MGAT5: variants seen among roughly 807,000 people sequenced by gnomAD.
MGAT5 encodes the protein alpha-1,6-mannosylglycoprotein 6-beta-N-acetylglucosaminyltransferase.
A neutral mutation model predicts 94.3 loss-of-function variants in MGAT5; 30 were observed. The ratio of observed to expected loss-of-function variants is 0.32; its 90% CI spans 0.24 to 0.43. The LOEUF is 0.43. MGAT5 is among the 20% of genes least tolerant of loss of function. The pLI is 1.00. For synonymous variants in MGAT5, 310 were observed against 322.9 expected, an observed-to-expected ratio of 0.96 and a Z score of 0.43; for missense variants, 691 against 905.5, an observed-to-expected ratio of 0.76 and a Z score of 3.04.
intron 1 of MGAT5, among the ~76,000 whole-genome samples, chr2:134,262,853 A>C (rs902349866): frequency 6.6e-6 from 1 of 152,226 alleles, no homozygotes; most frequent in East Asian, 1.9e-4. Flanking sequence ...CTTAGCATTT[A>C]CAGGGGTAGA....
chr2:134,378,842 C>T (rs1681362528), intron 10 of MGAT5, among the ~76,000 whole-genome samples: 1 of 152,166 alleles, frequency 6.6e-6, no homozygotes, highest in South Asian at 2.1e-4. Context: ...TCTCAAACTC[C>T]TGACCTCAGG....
At chr2:134,189,616 T>G (rs986418990) in intron 1 of MGAT5, among the ~76,000 whole-genome samples, 1 of 141,464 alleles carries the variant, frequency 7.1e-6, no homozygotes. Context: ...TTTTTTTTTT[T>G]TTTTAAGACA....
chr2:134,351,838 C>T (rs971876161), intron 9 of MGAT5, among the ~76,000 whole-genome samples: 3 of 152,044 alleles, frequency 2.0e-5, no homozygotes, highest in Non-Finnish European at 2.9e-5. Flanking sequence ...TATATACATA[C>T]ATACATATAA....
In MGAT5 at chr2:134,235,724, AG is replaced by A. The variant is rs201123541; in HGVS notation, c.-142-18534del. Among the ~76,000 whole-genome samples the A allele has an allele frequency of 1.7e-3, 206 of 118,924 alleles. 2 individuals are homozygous for A. The highest frequency in any genetic ancestry group is 6.7e-3 in the African/African-American group (191 of 28,700). 78.0% of individuals were successfully genotyped at this position (118,924 alleles called of 152,430 possible). A position where few individuals can be genotyped will look rare whatever the true frequency, so the allele number is the denominator to read the frequency against. On this transcript the variant is annotated intron_variant, in intron 1 of 16. Transcript: ENST00000409645. ...GGATTTAAATCATTGTAATAATAAT[AG>A]GGGTTTTTTTTTTTTGCATGGAGTG... is the stretch of plus-strand genomic sequence containing the variant.
At chr2:134,263,196 C>T (rs965106878) in intron 1 of MGAT5, among the ~76,000 whole-genome samples, 2 of 152,120 alleles carry the variant, frequency 1.3e-5, no homozygotes, top group Non-Finnish European at 1.5e-5. Context: ...CTTATCTTTT[C>T]TATAAAAAAG....
At chr2:134,266,854 G>A (rs944482515) in intron 1 of MGAT5, among the ~76,000 whole-genome samples, 1 of 152,128 alleles carries the variant, frequency 6.6e-6, no homozygotes, top group African/African-American at 2.4e-5. Context: ...TTTCATATTG[G>A]GAGAGAAAAC....
chr2:134,447,074 C>T (rs553214993), intron 15 of MGAT5, among the ~76,000 whole-genome samples: 11 of 152,326 alleles, frequency 7.2e-5, no homozygotes, highest in South Asian at 2.1e-4. Flanking sequence ...CATATGCATA[C>T]GCATGCACGC....
chr2:134,423,566 C>T (rs996740857), intron 13 of MGAT5, among the ~76,000 whole-genome samples: 1 of 152,130 alleles, frequency 6.6e-6, no homozygotes, highest in African/African-American at 2.4e-5. Flanking sequence ...CGGAGCCCAC[C>T]GTGGACTCTC....
intron 1 of MGAT5, among the ~76,000 whole-genome samples, chr2:134,235,407 C>T (rs771849126): frequency 2.0e-5 from 3 of 152,104 alleles, no homozygotes; most frequent in South Asian, 2.1e-4. Context: ...GTATTTAAAA[C>T]GTCTTCCAAC....
At chr2:134,202,639 G>A (rs886314707) in intron 1 of MGAT5, among the ~76,000 whole-genome samples, 1 of 152,266 alleles carries the variant, frequency 6.6e-6, no homozygotes, top group African/African-American at 2.4e-5. Context: ...CACTTTGTGG[G>A]GATGGGTGGG....
chr2:134,311,160 G>A (rs187869794), intron 2 of MGAT5, among the ~76,000 whole-genome samples: 1 of 152,310 alleles, frequency 6.6e-6, no homozygotes, highest in Non-Finnish European at 1.5e-5. Flanking sequence ...ACTGGGTAAG[G>A]AGATTGAATC....
intron 2 of MGAT5, among the ~76,000 whole-genome samples, chr2:134,275,569 T>C (rs1684305249): frequency 6.9e-6 from 1 of 144,986 alleles, no homozygotes; most frequent in South Asian, 2.2e-4. Context: ...AATGAAGAGG[T>C]GCTATTTCCT....
Position 134,193,675 on chromosome 2 carries a change from T to TTGTGTGTG in MGAT5, c.-142-60541_-142-60534dup, listed in dbSNP as rs58044792. ...CCCCTCTCTTACATACCCCAAATCT[T>TTGTGTGTG]TGTGTGTGTGTGTGTGTGTGTGTGT... On this transcript the variant is annotated intron_variant, in intron 1 of 16. Transcript: ENST00000409645. Among the ~76,000 whole-genome samples the TTGTGTGTG allele has an allele frequency of 4.6e-3, 599 of 130,858 alleles. 3 individuals are homozygous for TTGTGTGTG. The highest frequency in any genetic ancestry group is 6.1e-3 in the East Asian group (27 of 4,428). The allele number at this position is 130,858 out of a possible 152,430, so 85.8% of individuals were successfully genotyped here. A position where few individuals can be genotyped will look rare whatever the true frequency, so the allele number is the denominator to read the frequency against.
intron 13 of MGAT5, among the ~76,000 whole-genome samples, chr2:134,424,787 C>T (rs2106367326): frequency 6.6e-6 from 1 of 152,348 alleles, no homozygotes; most frequent in African/African-American, 2.4e-5. Context: ...CCTCCCTTGC[C>T]TCTTTCAGCT....
chr2:134,440,985 G>A (rs1038978875), intron 14 of MGAT5, among the ~76,000 whole-genome samples: 5 of 152,118 alleles, frequency 3.3e-5, no homozygotes, highest in African/African-American at 9.7e-5. Flanking sequence ...TAGAAGTTTG[G>A]TGATGTTTTT....
intron 2 of MGAT5, among the ~76,000 whole-genome samples, chr2:134,310,654 G>T (rs576442100): frequency 1.3e-4 from 20 of 152,112 alleles, no homozygotes; most frequent in Admixed American, 4.6e-4. Flanking sequence ...ATTGCTGTGG[G>T]GCCCTGGTTC....
chr2:134,203,297 G>A (rs372017548), intron 1 of MGAT5, among the ~76,000 whole-genome samples: 177 of 152,176 alleles, frequency 1.2e-3, no homozygotes, highest in African/African-American at 3.5e-3. Context: ...TCCCATCCTT[G>A]AGATTCAGCA....
chr2:134,264,237 G>T (rs964780138), intron 1 of MGAT5, among the ~76,000 whole-genome samples: 2 of 151,960 alleles, frequency 1.3e-5, no homozygotes, highest in African/African-American at 4.8e-5. Context: ...GGTCAGGCTG[G>T]TCTCAAACTC....
intron 1 of MGAT5, among the ~76,000 whole-genome samples, chr2:134,200,535 C>A (rs1427999946): frequency 6.6e-6 from 1 of 152,234 alleles, no homozygotes; most frequent in African/African-American, 2.4e-5. Context: ...ATCAGAGAAA[C>A]CCTATTTGGT....
Sources: gnomAD v4.1 joint callset for allele counts (sites outside exome capture counted in the v4.1 genomes callset) on GRCh38, gnomAD v4.1.1 for gene constraint, MANE v1.5 for transcripts, NCBI Gene and HGNC (gene_info 2026-07-23, HGNC 2026-07-21) for gene names.